Variants in SSC5D observed in about 807,000 individuals in gnomAD.
SSC5D encodes the protein soluble scavenger receptor cysteine-rich domain-containing protein SSC5D.
A neutral mutation model predicts 104.6 loss-of-function variants in SSC5D; 106 were observed. The observed-to-expected ratio is 1.01, with a 90% CI of 0.87 to 1.19. The LOEUF (loss-of-function observed/expected upper bound fraction) is 1.19, where lower values mean the gene tolerates loss of function less well. SSC5D is among the 50% of genes most tolerant of loss of function. The probability of loss-of-function intolerance (pLI) is 0.00; values close to 1 mark genes in which losing one functional copy is unlikely to be tolerated. For synonymous variants in SSC5D, 860 were observed against 883.5 expected (o/e 0.97, Z 0.47); for missense variants, 1,993 against 2,153.8 (o/e 0.93, Z 1.48).
In SSC5D at chr19:55,494,794, C is replaced by A. The variant is rs1171515573; in HGVS notation, c.1387+11C>A. On this transcript the variant is annotated intron_variant, in intron 8 of 13. Transcript: ENST00000389623. ...CTGGACCGGAAGCCGGTGAGTCCCT[C>A]CATGCTCCCCAAGAAAACAGGGTCC... 3 of 1,527,800 alleles carry A rather than the reference C, an allele frequency of 2.0e-6. No individual in the cohort carries two copies. The South Asian group carries it at 3.7e-5, about 19-fold the overall frequency. The allele number at this position is 1,527,800 out of a possible 1,614,324, so 94.6% of individuals were successfully genotyped here.
At position 55,517,213 on chromosome 19, in the gene SSC5D, T is replaced by C. The variant is rs1291347570; in HGVS notation, c.2948-11T>C. ...CCTCAGACCGTCCGTCTGTCTTTCC[T>C]CCTCCTCCAGGTTCCCCGAGGAAAC... On this transcript the variant is annotated splice_polypyrimidine_tract_variant and intron_variant, in intron 13 of 13. Coordinates refer to ENST00000389623, the MANE Select transcript of SSC5D (RefSeq NM_001144950.2). 109 of 1,533,320 alleles carry C rather than the reference T, an allele frequency of 7.1e-5. 1 individual carries two copies. Among genetic ancestry groups the C allele is most frequent in the East Asian group, 9.8e-5 (4 of 40,860 alleles). The allele number at this position is 1,533,320 out of a possible 1,614,324, so 95.0% of individuals were successfully genotyped here. A position where few individuals can be genotyped will look rare whatever the true frequency, so the allele number is the denominator to read the frequency against.
At position 55,500,423 on chromosome 19, in the gene SSC5D, G is replaced by C. The variant is rs144204478; in HGVS notation, c.2302+11G>C. On this transcript the variant is annotated intron_variant, in intron 10 of 13. Transcript: ENST00000389623. This position sits in a 1 kb window ranked among gnomAD's most constrained non-coding sequence, Gnocchi z 4.6. ...CCACTGGGGAATCAGGTGAGTGGCCGTGAGGGGTGTGGGGAGAGAATGGGA... is the reference window on the plus strand; with the variant it reads ...CCACTGGGGAATCAGGTGAGTGGCCCTGAGGGGTGTGGGGAGAGAATGGGA... 7.2e-5 allele frequency: 111 copies of C among 1,549,448 alleles called. No individual in the cohort carries two copies. The Admixed American group carries it at 2.1e-3, about 29-fold the overall frequency.
Position 55,518,100 on chromosome 19 carries a change from C to T in SSC5D, c.3824C>T (p.Pro1275Leu), listed in dbSNP as rs1184929408. The T allele has an allele frequency of 3.3e-6, 5 of 1,494,272 alleles. No homozygotes were observed. The highest frequency in any genetic ancestry group is 4.5e-6 in the Non-Finnish European group (5 of 1,107,048). 92.6% of individuals were successfully genotyped at this position (1,494,272 alleles called of 1,614,324 possible). Residue 1275 changes from proline (P) to leucine (L), a missense_variant, in exon 14 of 14, where the codon CCT (proline) becomes CTT (leucine). By Grantham distance (98) the Pro-to-Leu change is moderately conservative. Around this residue, in one of 6 missense-constraint regions of SSC5D, gnomAD observed 349 missense variants for 397.6 expected, o/e 0.88. Coordinates refer to ENST00000389623, the MANE Select transcript of SSC5D (RefSeq NM_001144950.2). ...ACCACCATGCAGCCCACCACGATGCCTCATCCCACCACGACCCCTCACCCC... is the reference window on the plus strand; with the variant it reads ...ACCACCATGCAGCCCACCACGATGCTTCATCCCACCACGACCCCTCACCCC... ...PFTTMQPTTMPHPTTTPHPTT... is the reference protein window; with the variant it reads ...PFTTMQPTTMLHPTTTPHPTT...
At chr19:55,508,279 G>A (rs535650180) in intron 12 of SSC5D, among the ~76,000 whole-genome samples, 26 of 152,254 alleles carry the variant, frequency 1.7e-4, no homozygotes, top group African/African-American at 3.4e-4. Flanking sequence ...GGGTATCGCC[G>A]GAGGTTTATC....
chr19:55,497,701 G>GA lies in SSC5D; in HGVS notation c.1388-175dup, dbSNP rs141774792. 5.8e-3 allele frequency among the ~76,000 whole-genome samples: 878 copies of GA among 152,242 alleles called. 3 individuals carry two copies. The highest frequency in any genetic ancestry group is 8.8e-3 in the Non-Finnish European group (601 of 68,024). On this transcript the variant is annotated intron_variant, in intron 8 of 13. Transcript: ENST00000389623. ...CTCATTATCCCTCATGCCTAATGCA[G>GA]AAAATGGCACAAAAAAGGCCTCATG...
intron 7 of SSC5D, 79 bp downstream of exon 7, chr19:55,493,991 G>GA: frequency 3.3e-6 from 1 of 301,048 alleles, no homozygotes; most frequent in Admixed American, 4.0e-5. Flanking sequence ...CGGGGGCGGG[G>GA]GGGTCCCTAC....
intron 3 of SSC5D, 28 bp from the exon 4 acceptor site, chr19:55,489,854 A>T: frequency 6.5e-7 from 1 of 1,539,766 alleles, no homozygotes; most frequent in Non-Finnish European, 8.8e-7. Context: ...CTCTCCTCAT[A>T]GCTTCTGTCC....
chr19:55,513,286 A>C, intron 13 of SSC5D, 114 bp downstream of exon 13: 1 of 1,128,288 alleles, frequency 8.9e-7, no homozygotes, highest in South Asian at 1.8e-5. Context: ...GCAGAAATAT[A>C]CCCTAAAACA....
Position 55,500,755 on chromosome 19 carries a change from G to C in SSC5D, c.2568G>C (p.Trp856Cys), listed in dbSNP as rs1253801975. ...ASLSDCPSGA[W>C]GKHNCDHEED... is the part of the protein sequence containing the mutation. ...TGAGCGACTGCCCCTCGGGGGCTTG[G>C]GGGAAGCACAACTGTGACCACGAGG... Residue 856 changes from tryptophan to cysteine, a missense_variant, in exon 11 of 14, where the codon TGG (tryptophan) becomes TGC (cysteine). By Grantham distance (215) the Trp-to-Cys change is radical. This residue lies in a region of SSC5D where 423 missense variants were observed against 409.2 expected (regional missense o/e 1.03). Coordinates refer to ENST00000389623, the MANE Select transcript of SSC5D (RefSeq NM_001144950.2). This position sits in a 1 kb window ranked among gnomAD's most constrained non-coding sequence, Gnocchi z 4.6. The C allele has an allele frequency of 6.4e-7, 1 of 1,551,502 alleles. No individual in the cohort carries two copies. Among genetic ancestry groups the C allele is most frequent in the African/African-American group, 1.4e-5 (1 of 73,014 alleles).
Position 55,518,189 on chromosome 19 carries a change from C to T in SSC5D, c.3913C>T (p.Pro1305Ser), listed in dbSNP as rs200305118. 3 of 1,390,396 alleles carry T rather than the reference C, an allele frequency of 2.2e-6. No homozygotes were observed. Among genetic ancestry groups the T allele is most frequent in the Non-Finnish European group, 2.8e-6 (3 of 1,061,530 alleles). The allele number at this position is 1,390,396 out of a possible 1,614,324, so 86.1% of individuals were successfully genotyped here. ...CACAACCCCTCACCCCACCATGACT[C>T]CTGACCCCACCACGACCCCTTACCC... ...PTTTPHPTMTPDPTTTPYPTT... is the reference protein window; with the variant it reads ...PTTTPHPTMTSDPTTTPYPTT... Residue 1305 changes from proline (P) to serine (S), a missense_variant, in exon 14 of 14, where the codon CCT (proline) becomes TCT (serine). Pro to Ser is a moderately conservative substitution (Grantham distance 74). Transcript: ENST00000389623.
At chr19:55,490,075 C>T in intron 4 of SSC5D, 80 bp downstream of exon 4, 1 of 677,180 alleles carries the variant, frequency 1.5e-6, no homozygotes, top group East Asian at 4.4e-5. Flanking sequence ...ACTGCCCTGC[C>T]AACCCCCACC....
At position 55,500,474 on chromosome 19, in the gene SSC5D, A is replaced by C; in HGVS notation, c.2303-16A>C. On this transcript the variant is annotated splice_polypyrimidine_tract_variant and intron_variant, in intron 10 of 13. Coordinates refer to ENST00000389623, the MANE Select transcript of SSC5D (RefSeq NM_001144950.2). This position sits in a 1 kb window ranked among gnomAD's most constrained non-coding sequence, Gnocchi z 4.6. ...GAGGCTGACCCTCCCTCCTGACCTA[A>C]GGGCCTTCCACGCAGGCCTGTTCCG... The C allele has an allele frequency of 2.6e-6, 4 of 1,550,446 alleles. No individual in the cohort carries two copies. The highest frequency in any genetic ancestry group is 3.5e-6 in the Non-Finnish European group (4 of 1,146,110).
chr19:55,516,935 C>T (rs185447828), intron 13 of SSC5D, among the ~76,000 whole-genome samples: 231 of 152,048 alleles, frequency 1.5e-3, no homozygotes, highest in Middle Eastern at 3.4e-3. Flanking sequence ...GCATCCCTCC[C>T]TCACCTCACC....
Position 55,490,963 on chromosome 19 carries a change from G to C in SSC5D, c.778G>C (p.Val260Leu). ...GARFGPGAGP[V>L]WMDDVGCGGG... ...CAGATTCGGGCCTGGTGCAGGGCCC[G>C]TGTGGATGGACGATGTGGGGTGTGG... Residue 260 changes from valine to leucine, a missense_variant, in exon 6 of 14, where the codon GTG becomes CTG. Physicochemically the swap from Val to Leu is conservative, Grantham distance 32. Around this residue, in one of 6 missense-constraint regions of SSC5D, gnomAD observed 1,101 missense variants for 1,085.0 expected, o/e 1.01. Coordinates refer to ENST00000389623, the MANE Select transcript of SSC5D (RefSeq NM_001144950.2). The C allele has an allele frequency of 6.5e-7, 1 of 1,547,106 alleles. No homozygotes were observed. The highest frequency in any genetic ancestry group is 1.4e-5 in the African/African-American group (1 of 73,054).
chr19:55,514,439 T>G (rs1987824377), intron 13 of SSC5D, among the ~76,000 whole-genome samples: 2 of 69,078 alleles, frequency 2.9e-5, no homozygotes, highest in Non-Finnish European at 4.7e-5. Flanking sequence ...ATAATAATAA[T>G]AATAATAATA....
Position 55,513,191 on chromosome 19 carries a change from G to A in SSC5D, c.2947+19G>A, listed in dbSNP as rs773054592. 74 of 1,475,266 alleles carry A rather than the reference G, an allele frequency of 5.0e-5. No homozygotes were observed. In the South Asian group the frequency reaches 1.0e-3, roughly 20 times the overall value. The allele number at this position is 1,475,266 out of a possible 1,614,324, so 91.4% of individuals were successfully genotyped here. A position where few individuals can be genotyped will look rare whatever the true frequency, so the allele number is the denominator to read the frequency against. On this transcript the variant is annotated intron_variant, in intron 13 of 13. Coordinates refer to ENST00000389623, the MANE Select transcript of SSC5D (RefSeq NM_001144950.2). Reference sequence around the variant, plus strand: ...GACACAGGTGAGACACGTGGCTGGGGTGAGGAGACTGGGACGGTATTTGTC... The same window carrying A: ...GACACAGGTGAGACACGTGGCTGGGATGAGGAGACTGGGACGGTATTTGTC...
chr19:55,505,220 C>A (rs1987613730), intron 12 of SSC5D, among the ~76,000 whole-genome samples: 1 of 151,612 alleles, frequency 6.6e-6, no homozygotes. Flanking sequence ...ACAACAGCTG[C>A]AGGATTTCAG....
rs1226317557 is a variant in SSC5D at position 55,493,602 on chromosome 19, A to T, written c.903A>T (p.Ala301=). The T allele has an allele frequency of 6.9e-7, 1 of 1,452,874 alleles. No homozygotes were observed. Among genetic ancestry groups the T allele is most frequent in the Non-Finnish European group, 9.0e-7 (1 of 1,116,110 alleles). The allele number at this position is 1,452,874 out of a possible 1,614,324, so 90.0% of individuals were successfully genotyped here. The change falls in exon 7 of 14, where the codon GCA becomes GCT. Residue 301 remains alanine (A), a synonymous_variant. Coordinates refer to ENST00000389623, the MANE Select transcript of SSC5D (RefSeq NM_001144950.2). ...CCCTCTCCCACTATCCAGGCCCAGCACCTCGGCTGCGCCTGGCCGATGGCC... is the reference window on the plus strand; with the variant it reads ...CCCTCTCCCACTATCCAGGCCCAGCTCCTCGGCTGCGCCTGGCCGATGGCC... The part of the protein sequence containing the change: ...EDAGLVCTGP[A]PRLRLADGPH...
Position 55,501,055 on chromosome 19 carries a change from A to G in SSC5D, c.2639A>G (p.Tyr880Cys). ...TCTGYTDYDD[Y>C]PPWTWDPTSR... ...AAAGGCTACACAGACTATGACGATT[A>G]TCCCCCCTGGACCTGGGACCCCACC... The change falls in exon 12 of 14, where the codon TAT becomes TGT. Residue 880 changes from tyrosine (Y) to cysteine (C), a missense_variant. By Grantham distance (194) the Tyr-to-Cys change is radical (BLOSUM62 -2). Transcript: ENST00000389623. 1.3e-6 allele frequency: 2 copies of G among 1,551,916 alleles called. No homozygotes were observed. The highest frequency in any genetic ancestry group is 2.4e-5 in the East Asian group (1 of 40,912).
Sources: allele counts gnomAD v4.1 joint callset (sites outside exome capture counted in the v4.1 genomes callset), GRCh38; gene constraint gnomAD v4.1.1; regional missense constraint gnomAD v4.1.1; non-coding constraint Gnocchi (gnomAD v3.1); transcripts MANE v1.5; gene names NCBI Gene and HGNC (gene_info 2026-07-23, HGNC 2026-07-21).